The following SLC16A2 variants were observed in gnomAD, a reference collection of about 807,000 sequenced individuals.
SLC16A2 encodes monocarboxylate transporter 8.
Under a neutral mutation model 27.2 loss-of-function variants are expected in SLC16A2, and 3 were observed. The observed-to-expected ratio is 0.11, with a 90% CI of 0.05 to 0.28. The LOEUF is 0.28. Among genes scored for constraint, SLC16A2 ranks in the 10% least tolerant of loss-of-function variants. The pLI, the probability that SLC16A2 is intolerant of heterozygous loss-of-function variation, is 1.00. For synonymous variants in SLC16A2, 202 were observed against 187.8 expected (o/e 1.08, Z -0.62); for missense variants, 295 against 458.5 (o/e 0.64, Z 3.26).
At chrX:74,422,388 C>A (rs1055888983) in intron 1 of SLC16A2, among the ~76,000 whole-genome samples, 1 of 110,492 alleles carries the variant, frequency 9.1e-6, no homozygotes, top group African/African-American at 3.3e-5. Flanking sequence ...TTTAAGGTAC[C>A]TTTGCCCCTG....
At chrX:74,491,710 G>A in intron 1 of SLC16A2, among the ~76,000 whole-genome samples, 1 of 112,407 alleles carries the variant, frequency 8.9e-6, no homozygotes, top group South Asian at 3.7e-4. Flanking sequence ...GCAGGTTATG[G>A]CTTAAATACC....
At chrX:74,455,534 G>A (rs948645495) in intron 1 of SLC16A2, among the ~76,000 whole-genome samples, 3 of 111,499 alleles carry the variant, frequency 2.7e-5, no homozygotes, top group Non-Finnish European at 5.7e-5. Context: ...AGAATGTGCA[G>A]GATAGGGTCA....
chrX:74,440,325 C>T (rs1018453866), intron 1 of SLC16A2, among the ~76,000 whole-genome samples: 5 of 111,216 alleles, frequency 4.5e-5, no homozygotes, highest in Non-Finnish European at 9.4e-5. Flanking sequence ...TAGAACAAAT[C>T]GCTCCAGCTT....
intron 1 of SLC16A2, among the ~76,000 whole-genome samples, chrX:74,511,245 G>A (rs777098414): frequency 9.1e-6 from 1 of 110,229 alleles, no homozygotes; most frequent in Admixed American, 9.6e-5. Flanking sequence ...GCAGTGGCCC[G>A]ATCTCGGCTC....
intron 1 of SLC16A2, among the ~76,000 whole-genome samples, chrX:74,480,436 G>A (rs1427590811): frequency 8.9e-6 from 1 of 112,787 alleles, no homozygotes; most frequent in Non-Finnish European, 1.9e-5. Flanking sequence ...CTTCTTGCAT[G>A]AGGCAAAGCC....
intron 1 of SLC16A2, among the ~76,000 whole-genome samples, chrX:74,429,378 A>T: frequency 9.1e-6 from 1 of 109,546 alleles, no homozygotes; most frequent in South Asian, 4.1e-4. Context: ...AGGCTGAGAT[A>T]CTAGGATCTC....
At chrX:74,436,123 G>A (rs1411842696) in intron 1 of SLC16A2, among the ~76,000 whole-genome samples, 2 of 111,029 alleles carry the variant, frequency 1.8e-5, no homozygotes, top group East Asian at 2.8e-4. Context: ...TTTGGAAAGG[G>A]TATCTACCTC....
At chrX:74,456,728 G>A (rs1929047469) in intron 1 of SLC16A2, among the ~76,000 whole-genome samples, 1 of 111,952 alleles carries the variant, frequency 8.9e-6, no homozygotes, top group South Asian at 3.8e-4. Context: ...GCCCTTGCTA[G>A]TGAGCTGGGT....
chrX:74,529,364 C>T lies in SLC16A2; in HGVS notation c.1322C>T (p.Pro441Leu). 8.3e-7 allele frequency: 1 copy of T among 1,204,290 alleles called. No homozygotes were observed. The change falls in exon 5 of 6, where the codon CCA becomes CTA. Residue 441 changes from proline to leucine, a missense_variant. Transcript: ENST00000587091. ...CCCATTGCATTTGAGCTGGTGGGCC[C>T]AATGCAGGCCTCACAGGCCATTGGC... ...MAPIAFELVG[P>L]MQASQAIGYL...
intron 1 of SLC16A2, among the ~76,000 whole-genome samples, chrX:74,479,216 C>T (rs144776968): frequency 0.014 from 1,592 of 111,556 alleles, 28 homozygotes; most frequent in African/African-American, 0.05. Flanking sequence ...CTTTTCTTCT[C>T]GCTTCATTTC....
intron 1 of SLC16A2, among the ~76,000 whole-genome samples, chrX:74,499,125 C>A (rs888626956): frequency 2.7e-5 from 3 of 112,126 alleles, no homozygotes; most frequent in Non-Finnish European, 3.8e-5. Flanking sequence ...CTGGACCTTG[C>A]CCTCATCATT....
intron 1 of SLC16A2, among the ~76,000 whole-genome samples, chrX:74,434,790 G>A (rs767637190): frequency 9.1e-6 from 1 of 109,480 alleles, no homozygotes; most frequent in African/African-American, 3.3e-5. Flanking sequence ...CTGTGTGTGT[G>A]GGCATTGTAG....
At chrX:74,502,700 G>A (rs1026384646) in intron 1 of SLC16A2, among the ~76,000 whole-genome samples, 2 of 112,166 alleles carry the variant, frequency 1.8e-5, no homozygotes, top group Non-Finnish European at 3.8e-5. Flanking sequence ...GATCTTTTGT[G>A]AATGAGAACT....
chrX:74,491,748 G>A (rs1276103461), intron 1 of SLC16A2, among the ~76,000 whole-genome samples: 4 of 112,659 alleles, frequency 3.6e-5, no homozygotes, highest in African/African-American at 1.3e-4. Context: ...TTACCAAGAT[G>A]TATTAGAGTT....
chrX:74,438,765 A>C (rs1255961744), intron 1 of SLC16A2, among the ~76,000 whole-genome samples: 2 of 111,553 alleles, frequency 1.8e-5, no homozygotes, highest in Non-Finnish European at 3.8e-5. Flanking sequence ...CTTGATACTG[A>C]TAATGTCCCT....
rs563857471 is a variant in SLC16A2, at chrX:74,514,629, T to A, written c.431-6361T>A. ...TGCCCGGGTATAACCTCCAACCACC[T>A]CTCCTACTCCTGGCAAGGTGCCAAG... is the stretch of plus-strand genomic sequence containing the variant. On this transcript the variant is annotated intron_variant, in intron 1 of 5. Transcript: ENST00000587091. Among the ~76,000 whole-genome samples, 10 of 111,028 alleles carry A rather than the reference T, an allele frequency of 9.0e-5. No individual in the cohort carries two copies. The South Asian group carries it at 3.8e-3, about 43-fold the overall frequency.
At chrX:74,466,462 A>G (rs1302783317) in intron 1 of SLC16A2, among the ~76,000 whole-genome samples, 2 of 111,894 alleles carry the variant, frequency 1.8e-5, no homozygotes, top group Admixed American at 1.9e-4. Context: ...GTATTTGCAT[A>G]TAACCTATAT....
At chrX:74,467,404 A>G (rs1246864077) in intron 1 of SLC16A2, among the ~76,000 whole-genome samples, 1 of 111,301 alleles carries the variant, frequency 9.0e-6, no homozygotes, top group Admixed American at 9.6e-5. Context: ...GGAACATGTG[A>G]AAAGCCGGTC....
At chrX:74,530,495 C>T (rs1266241022) in intron 5 of SLC16A2, among the ~76,000 whole-genome samples, 2 of 111,938 alleles carry the variant, frequency 1.8e-5, no homozygotes, top group Non-Finnish European at 3.8e-5. Context: ...AAATATTCTT[C>T]GAACACAAAT....
Sources: gnomAD v4.1 joint callset for allele counts (sites outside exome capture counted in the v4.1 genomes callset) on GRCh38, gnomAD v4.1.1 for gene constraint, MANE v1.5 for transcripts, NCBI Gene and HGNC (gene_info 2026-07-23, HGNC 2026-07-21) for gene names.